LRFN5: variants seen among roughly 807,000 people sequenced by gnomAD.
LRFN5 encodes the protein leucine rich repeat and fibronectin type III domain containing 5.
LRFN5 carries 24 observed loss-of-function variants against 45.6 expected under a neutral mutation model. The observed-to-expected ratio is 0.53, with a 90% confidence interval of 0.38 to 0.74. The LOEUF (loss-of-function observed/expected upper bound fraction) is 0.74, where lower values mean the gene tolerates loss of function less well. Ranked by LOEUF, LRFN5 falls within the 30% of genes least tolerant of loss-of-function variation. The pLI is 0.00. For missense variants in LRFN5, 776 were observed against 861.5 expected (o/e 0.90, Z 1.24); for synonymous variants, 340 against 313.8 (o/e 1.08, Z -0.88).
At chr14:41,784,028 T>C (rs1055395000) in intron 2 of LRFN5, among the ~76,000 whole-genome samples, 17 of 152,172 alleles carry the variant, frequency 1.1e-4, no homozygotes, top group Non-Finnish European at 1.8e-4. Flanking sequence ...AACATTGGCC[T>C]ATATGTAAGG....
At chr14:41,644,300 C>A (rs1460619739) in intron 1 of LRFN5, among the ~76,000 whole-genome samples, 2 of 152,086 alleles carry the variant, frequency 1.3e-5, no homozygotes, top group South Asian at 2.1e-4. Context: ...TAGGCAGATT[C>A]CAAGAGTTAT....
At chr14:41,643,799 A>G (rs1879691927) in intron 1 of LRFN5, among the ~76,000 whole-genome samples, 2 of 151,786 alleles carry the variant, frequency 1.3e-5, no homozygotes, top group Non-Finnish European at 2.9e-5. Context: ...AAACACTCTG[A>G]TTTTCTCATC....
intron 2 of LRFN5, among the ~76,000 whole-genome samples, chr14:41,847,343 C>G (rs1889104889): frequency 6.6e-6 from 1 of 152,034 alleles, no homozygotes; most frequent in Non-Finnish European, 1.5e-5. Flanking sequence ...CTGAGATATT[C>G]TCCGGTAAAG....
intron 2 of LRFN5, among the ~76,000 whole-genome samples, chr14:41,874,128 G>C (rs529537455): frequency 6.2e-4 from 95 of 152,294 alleles, no homozygotes; most frequent in Non-Finnish European, 1.2e-3. Flanking sequence ...GTCATCTACT[G>C]TGCTGAGGTA....
intron 1 of LRFN5, among the ~76,000 whole-genome samples, chr14:41,716,158 C>G (rs79044373): frequency 0.074 from 11,312 of 152,092 alleles, 1,073 homozygotes; most frequent in East Asian, 0.28. Flanking sequence ...GGACTGGCCC[C>G]CAAGACCACT....
chr14:41,847,795 A>G (rs1889121445), intron 2 of LRFN5, among the ~76,000 whole-genome samples: 1 of 152,068 alleles, frequency 6.6e-6, no homozygotes, highest in Admixed American at 6.6e-5. Flanking sequence ...TGCTTTTCAC[A>G]TACATACTGT....
chr14:41,757,650 T>A (rs1885466377), intron 1 of LRFN5, among the ~76,000 whole-genome samples: 1 of 152,210 alleles, frequency 6.6e-6, no homozygotes, highest in African/African-American at 2.4e-5. Flanking sequence ...CCAGGTGCCA[T>A]CTGTCACCCC....
chr14:41,887,672 A>C lies in LRFN5; in HGVS notation c.1047A>C (p.Val349=), dbSNP rs895649742. The change falls in exon 3 of 6, where the codon GTA becomes GTC. Residue 349 remains valine, a synonymous_variant. Coordinates refer to ENST00000298119, the MANE Select transcript of LRFN5 (RefSeq NM_152447.5). This position sits in a 1 kb window ranked among gnomAD's most constrained non-coding sequence, Gnocchi z 4.8. ...NGTLDILITT[V]KDTGAFTCIA... ...CACTTGACATTCTTATCACAACTGT[A>C]AAGGATACAGGTGCTTTTACCTGCA... 1.2e-6 allele frequency: 2 copies of C among 1,614,224 alleles called. No homozygotes were observed. The highest frequency in any genetic ancestry group is 2.7e-5 in the African/African-American group (2 of 75,062).
chr14:41,825,699 TA>T (rs1888269465), intron 2 of LRFN5, among the ~76,000 whole-genome samples: 1 of 152,160 alleles, frequency 6.6e-6, no homozygotes, highest in South Asian at 2.1e-4. Flanking sequence ...CAGTGGTCCA[TA>T]ATGGATGCAT....
At chr14:41,632,847 T>C in intron 1 of LRFN5, among the ~76,000 whole-genome samples, 1 of 152,332 alleles carries the variant, frequency 6.6e-6, no homozygotes, top group South Asian at 2.1e-4. Context: ...ATTTTTCTTC[T>C]ACTTATTTTA....
chr14:41,673,501 C>G (rs1594602540), intron 1 of LRFN5, among the ~76,000 whole-genome samples: 2 of 147,738 alleles, frequency 1.4e-5, no homozygotes, highest in African/African-American at 2.5e-5. Flanking sequence ...AGGGGCTCCT[C>G]ACTTCCCAGT....
Position 41,607,260 on chromosome 14 carries a change from C to T in LRFN5, c.-1499C>T. Reference sequence around the variant, plus strand: ...GACTTTGGGGAGCTCTGGCTGTGAACACAGCCCACCCATATAATCCATTTT... The same window carrying T: ...GACTTTGGGGAGCTCTGGCTGTGAATACAGCCCACCCATATAATCCATTTT... On this transcript the variant is annotated 5_prime_UTR_variant, in exon 1 of 6. Transcript: ENST00000298119. Among the ~76,000 whole-genome samples the T allele has an allele frequency of 6.6e-6, 1 of 151,924 alleles. No homozygotes were observed. The highest frequency in any genetic ancestry group is 6.6e-5 in the Admixed American group (1 of 15,252).
intron 2 of LRFN5, among the ~76,000 whole-genome samples, chr14:41,839,460 T>A (rs546090435): frequency 6.6e-6 from 1 of 152,174 alleles, no homozygotes; most frequent in Non-Finnish European, 1.5e-5. Flanking sequence ...ATGATCAGTC[T>A]GTACAATATC....
intron 1 of LRFN5, among the ~76,000 whole-genome samples, chr14:41,734,316 T>TTACATATATATATATATATATA (rs1884316047): frequency 5.2e-5 from 2 of 38,768 alleles, no homozygotes; most frequent in African/African-American, 1.1e-4. Context: ...TGGACTGGTT[T>TTACATATATATATATATATATA]TATATATATA....
At chr14:41,771,930 T>C (rs1886104141) in intron 2 of LRFN5, among the ~76,000 whole-genome samples, 2 of 152,192 alleles carry the variant, frequency 1.3e-5, no homozygotes, top group South Asian at 2.1e-4. Flanking sequence ...TTTGTATCAC[T>C]ATAAAGAAAT....
At chr14:41,660,099 C>T (rs761857928) in intron 1 of LRFN5, among the ~76,000 whole-genome samples, 3 of 152,108 alleles carry the variant, frequency 2.0e-5, no homozygotes, top group African/African-American at 4.8e-5. Flanking sequence ...GATCTTGGCT[C>T]GCTGCAACAA....
chr14:41,685,377 A>C (rs1458160790), intron 1 of LRFN5, among the ~76,000 whole-genome samples: 2 of 152,194 alleles, frequency 1.3e-5, no homozygotes, highest in Admixed American at 6.5e-5. Context: ...GTTCACAATA[A>C]CCAAGATTTT....
chr14:41,773,962 T>A (rs1205637856), intron 2 of LRFN5, among the ~76,000 whole-genome samples: 1 of 152,228 alleles, frequency 6.6e-6, no homozygotes, highest in Non-Finnish European at 1.5e-5. Flanking sequence ...GTACTTGATA[T>A]AGAGGAGTCT....
At chr14:41,720,828 T>C (rs1250764631) in intron 1 of LRFN5, among the ~76,000 whole-genome samples, 45 of 152,092 alleles carry the variant, frequency 3.0e-4, no homozygotes, top group Non-Finnish European at 5.9e-5. Context: ...GAGAATGTTT[T>C]GTGTGTAGAT....
Sources: gnomAD v4.1 joint callset for allele counts (sites outside exome capture counted in the v4.1 genomes callset) on GRCh38, gnomAD v4.1.1 for gene constraint, Gnocchi (gnomAD v3.1) non-coding constraint, MANE v1.5 for transcripts, NCBI Gene and HGNC (gene_info 2026-07-23, HGNC 2026-07-21) for gene names.